Variants in BCAR3 observed in about 807,000 individuals in gnomAD.
BCAR3 encodes breast cancer anti-estrogen resistance protein 3.
In BCAR3, 37 loss-of-function variants were observed where a neutral mutation model predicts 80.1. The observed-to-expected ratio is 0.46, with a 90% CI of 0.36 to 0.61. BCAR3 has a LOEUF of 0.61. Ranked by LOEUF, BCAR3 falls within the 20% of genes least tolerant of loss-of-function variation. The probability of loss-of-function intolerance (pLI) is 0.00; values close to 1 mark genes in which losing one functional copy is unlikely to be tolerated. For missense variants in BCAR3, 978 were observed against 1,068.2 expected (o/e 0.92, Z 1.18); for synonymous variants, 389 against 418.9 (o/e 0.93, Z 0.87).
At chr1:93,622,672 G>A (rs1490336994) in intron 3 of BCAR3, among the ~76,000 whole-genome samples, 1 of 152,202 alleles carries the variant, frequency 6.6e-6, no homozygotes, top group African/African-American at 2.4e-5. Flanking sequence ...TATAGGAAGA[G>A]GCCAATTCAG....
At chr1:93,575,941 G>C in intron 8 of BCAR3, 73 bp downstream of exon 8, 1 of 1,378,498 alleles carries the variant, frequency 7.3e-7, no homozygotes, top group Non-Finnish European at 1.0e-6. Context: ...GCCTCTCTTT[G>C]TTCTAAAACC....
intron 11 of BCAR3, among the ~76,000 whole-genome samples, chr1:93,563,092 A>G (rs1434836627): frequency 1.3e-5 from 2 of 152,170 alleles, no homozygotes; most frequent in Admixed American, 6.5e-5. Flanking sequence ...TTTACATGTC[A>G]TATGATTCAC....
intron 3 of BCAR3, among the ~76,000 whole-genome samples, chr1:93,606,427 T>G (rs1674774087): frequency 6.6e-6 from 1 of 152,040 alleles, no homozygotes; most frequent in Non-Finnish European, 1.5e-5. Flanking sequence ...AGAGTGGTGT[T>G]TAGAAGGTAA....
At chr1:93,834,175 C>G (rs1456804374) in intron 2 of BCAR3, among the ~76,000 whole-genome samples, 1 of 152,172 alleles carries the variant, frequency 6.6e-6, no homozygotes, top group Admixed American at 6.5e-5. Flanking sequence ...CCTGTTATCA[C>G]TTGCCTGTTA....
At chr1:93,591,707 C>T (rs561939329) in intron 4 of BCAR3, among the ~76,000 whole-genome samples, 1 of 152,198 alleles carries the variant, frequency 6.6e-6, no homozygotes, top group African/African-American at 2.4e-5. Context: ...AAAGTATATT[C>T]TGGGCCATGA....
At chr1:93,788,915 G>A (rs1253407930) in intron 2 of BCAR3, among the ~76,000 whole-genome samples, 2 of 152,146 alleles carry the variant, frequency 1.3e-5, no homozygotes, top group African/African-American at 4.8e-5. Flanking sequence ...AAAAGTTAGA[G>A]AATGTGTGAT....
chr1:93,562,571 C>T, intron 11 of BCAR3, 152 bp from the exon 12 acceptor site: 1 of 605,150 alleles, frequency 1.7e-6, no homozygotes, highest in Non-Finnish European at 2.8e-6. Flanking sequence ...AGATCGAGAC[C>T]ATCCTGGCTA....
At chr1:93,615,628 G>A (rs1449468152) in intron 3 of BCAR3, among the ~76,000 whole-genome samples, 2 of 152,124 alleles carry the variant, frequency 1.3e-5, no homozygotes, top group African/African-American at 4.8e-5. Context: ...AAGACTGTCT[G>A]GTCAGTGGGT....
At chr1:93,798,567 C>G (rs1344655525) in intron 2 of BCAR3, among the ~76,000 whole-genome samples, 1 of 152,016 alleles carries the variant, frequency 6.6e-6, no homozygotes, top group Non-Finnish European at 1.5e-5. Flanking sequence ...TGAGCTGCAC[C>G]AAAAGTGTAA....
intron 8 of BCAR3, among the ~76,000 whole-genome samples, chr1:93,575,503 T>G (rs1354279200): frequency 6.6e-6 from 1 of 152,194 alleles, no homozygotes; most frequent in African/African-American, 2.4e-5. Context: ...CCCGGACCAG[T>G]GCCGTCATCC....
At chr1:93,799,721 G>C (rs1653409933) in intron 2 of BCAR3, among the ~76,000 whole-genome samples, 1 of 152,160 alleles carries the variant, frequency 6.6e-6, no homozygotes, top group Non-Finnish European at 1.5e-5. Context: ...AACTAGAGTG[G>C]AATTTCCTCA....
At chr1:93,846,968 C>T in intron 1 of BCAR3, 1 of 287,000 alleles carries the variant, frequency 3.5e-6, no homozygotes, top group Non-Finnish European at 6.8e-6. Flanking sequence ...CGCACACAGA[C>T]GTCGCGCGGC....
At chr1:93,840,310 GC>G (rs1654912872) in intron 2 of BCAR3, among the ~76,000 whole-genome samples, 1 of 152,174 alleles carries the variant, frequency 6.6e-6, no homozygotes, top group Non-Finnish European at 1.5e-5. Flanking sequence ...CCTGTGGTTT[GC>G]CTTCCCATCT....
At chr1:93,819,268 G>A (rs918188916) in intron 2 of BCAR3, among the ~76,000 whole-genome samples, 11 of 152,178 alleles carry the variant, frequency 7.2e-5, no homozygotes, top group Admixed American at 1.3e-4. Context: ...GTTTCACCAC[G>A]TTGGCCAGGA....
At chr1:93,640,864 G>C (rs752272780) in intron 3 of BCAR3, among the ~76,000 whole-genome samples, 6 of 152,228 alleles carry the variant, frequency 3.9e-5, no homozygotes, top group Non-Finnish European at 5.9e-5. Flanking sequence ...ACTGGCCCGT[G>C]GTAGGAGATA....
At chr1:93,732,296 G>A (rs961379438) in intron 2 of BCAR3, among the ~76,000 whole-genome samples, 1 of 152,178 alleles carries the variant, frequency 6.6e-6, no homozygotes. Flanking sequence ...GAGGTGGAGG[G>A]AGACAGAGAA....
At chr1:93,807,975 T>C (rs1458878796) in intron 2 of BCAR3, among the ~76,000 whole-genome samples, 3 of 150,634 alleles carry the variant, frequency 2.0e-5, no homozygotes, top group African/African-American at 4.9e-5. Context: ...GAGGCAGAGG[T>C]TGCAGTGAGC....
intron 2 of BCAR3, among the ~76,000 whole-genome samples, chr1:93,662,906 A>T (rs979710976): frequency 1.3e-5 from 2 of 150,342 alleles, no homozygotes; most frequent in Non-Finnish European, 2.9e-5. Context: ...ATCCTTTTTT[A>T]AAAATTAAAC....
At chr1:93,766,980 G>A (rs1049639040) in intron 2 of BCAR3, among the ~76,000 whole-genome samples, 2 of 152,174 alleles carry the variant, frequency 1.3e-5, no homozygotes, top group African/African-American at 4.8e-5. Context: ...CTCTGAGGGT[G>A]GGGAGCAGGG....
Sources: gnomAD v4.1 joint callset for allele counts (sites outside exome capture counted in the v4.1 genomes callset) on GRCh38, gnomAD v4.1.1 for gene constraint, MANE v1.5 for transcripts, NCBI Gene and HGNC (gene_info 2026-07-23, HGNC 2026-07-21) for gene names.